PAK1: variants seen among roughly 807,000 people sequenced by gnomAD.
The protein encoded by PAK1 is serine/threonine-protein kinase PAK 1.
In PAK1, 29 loss-of-function variants were observed where a neutral mutation model predicts 67.4. That is an observed-to-expected ratio of 0.43 (90% CI 0.32 to 0.59). The LOEUF is 0.59. PAK1 is among the 20% of genes least tolerant of loss of function. PAK1 has a pLI of 0.07. For synonymous variants in PAK1, 223 were observed against 237.4 expected (o/e 0.94, Z 0.56); for missense variants, 337 against 670.7 (o/e 0.50, Z 5.50).
At chr11:77,406,253 A>G (rs1277913377) in intron 1 of PAK1, among the ~76,000 whole-genome samples, 2 of 152,170 alleles carry the variant, frequency 1.3e-5, no homozygotes, top group Non-Finnish European at 2.9e-5. Flanking sequence ...CAGCCTAAAA[A>G]CCATCTATTA....
At chr11:77,376,461 C>T (rs925432573) in intron 4 of PAK1, among the ~76,000 whole-genome samples, 2 of 152,026 alleles carry the variant, frequency 1.3e-5, no homozygotes, top group African/African-American at 4.8e-5. Context: ...TAAGTGTTGC[C>T]AGGCACATGG....
chr11:77,394,825 CAG>C (rs1951632455), intron 1 of PAK1, among the ~76,000 whole-genome samples: 1 of 151,578 alleles, frequency 6.6e-6, no homozygotes, highest in African/African-American at 2.4e-5. Flanking sequence ...AGCCTGGAGA[CAG>C]AGCAAGACTC....
At chr11:77,373,530 C>T (rs1434825464) in intron 5 of PAK1, among the ~76,000 whole-genome samples, 1 of 149,556 alleles carries the variant, frequency 6.7e-6, no homozygotes, top group East Asian at 2.0e-4. Context: ...ATTGCACTCC[C>T]GCCTGGGCAA....
intron 1 of PAK1, among the ~76,000 whole-genome samples, chr11:77,416,036 T>A (rs1173051634): frequency 6.6e-6 from 1 of 150,532 alleles, no homozygotes; most frequent in African/African-American, 2.5e-5. Context: ...AGGAGTGCAG[T>A]GGCATGATCT....
intron 8 of PAK1, among the ~76,000 whole-genome samples, chr11:77,352,095 A>G (rs1224058050): frequency 1.3e-5 from 2 of 152,242 alleles, no homozygotes; most frequent in East Asian, 3.9e-4. Flanking sequence ...AATTTCATAT[A>G]AATAGAATGA....
At chr11:77,416,748 T>C (rs540991435) in intron 1 of PAK1, among the ~76,000 whole-genome samples, 1 of 152,224 alleles carries the variant, frequency 6.6e-6, no homozygotes, top group South Asian at 2.1e-4. Context: ...AGTCAGGAGA[T>C]CAAGACCATC....
At chr11:77,456,241 A>T (rs976407700) in intron 1 of PAK1, among the ~76,000 whole-genome samples, 1 of 152,162 alleles carries the variant, frequency 6.6e-6, no homozygotes, top group Non-Finnish European at 1.5e-5. Flanking sequence ...ACACTCTCCC[A>T]CTCTTGGAGC....
the PAK1 span, among the ~76,000 whole-genome samples, chr11:77,489,514 T>G: frequency 2.6e-5 from 4 of 152,148 alleles, no homozygotes; most frequent in East Asian, 7.8e-4. Context: ...AGCTGGACTG[T>G]ACTGCTGCCA....
the PAK1 span, among the ~76,000 whole-genome samples, chr11:77,490,290 GCCC>G: frequency 2.5e-5 from 2 of 80,602 alleles, no homozygotes; most frequent in African/African-American, 1.2e-4. Context: ...GTGGGGGTCA[GCCC>G]CCCCACCCGG....
At chr11:77,343,973 C>A in intron 9 of PAK1, 42 bp from the exon 10 acceptor site, 1 of 1,315,446 alleles carries the variant, frequency 7.6e-7, no homozygotes, top group South Asian at 1.2e-5. Flanking sequence ...ATAGTCATTC[C>A]CATTTATTGA....
At chr11:77,399,817 C>T (rs1242846539) in intron 1 of PAK1, among the ~76,000 whole-genome samples, 1 of 115,570 alleles carries the variant, frequency 8.7e-6, no homozygotes, top group Non-Finnish European at 1.6e-5. Flanking sequence ...CGAGATCCCG[C>T]CACTGCACTC....
At chr11:77,441,116 G>A (rs774970785) in intron 1 of PAK1, among the ~76,000 whole-genome samples, 5 of 152,036 alleles carry the variant, frequency 3.3e-5, no homozygotes, top group African/African-American at 7.2e-5. Context: ...CTGCAGACCT[G>A]GATCCTGTTC....
chr11:77,448,670 T>C (rs542559708), intron 1 of PAK1, among the ~76,000 whole-genome samples: 1 of 152,230 alleles, frequency 6.6e-6, no homozygotes, highest in South Asian at 2.1e-4. Flanking sequence ...TAAGGGAACA[T>C]GAGAAAGAAT....
At chr11:77,427,837 T>C (rs113131361) in intron 1 of PAK1, among the ~76,000 whole-genome samples, 3,206 of 152,350 alleles carry the variant, frequency 0.021, 111 homozygotes, top group African/African-American at 0.073. Flanking sequence ...CTTATTGTTA[T>C]CTTCCTCACT....
chr11:77,367,777 A>G (rs1324310489), intron 5 of PAK1, among the ~76,000 whole-genome samples: 1 of 152,188 alleles, frequency 6.6e-6, no homozygotes, highest in Non-Finnish European at 1.5e-5. Context: ...AGGAGATCGA[A>G]ATCATCCTGG....
At chr11:77,367,422 G>A (rs1433509380) in intron 5 of PAK1, among the ~76,000 whole-genome samples, 1 of 151,938 alleles carries the variant, frequency 6.6e-6, no homozygotes, top group East Asian at 1.9e-4. Flanking sequence ...GGAAAAAACA[G>A]ACTAAACAGG....
chr11:77,479,045 AC>A (rs1239082798), upstream of PAK1, among the ~76,000 whole-genome samples: 1 of 150,622 alleles, frequency 6.6e-6, no homozygotes, highest in Non-Finnish European at 1.5e-5. Flanking sequence ...AGACCGCGCC[AC>A]TGCACTCCAG....
chr11:77,475,692 G>T (rs1406891073), upstream of PAK1: 2 of 152,222 alleles, frequency 1.3e-5, no homozygotes, highest in African/African-American at 4.8e-5. Context: ...ATATTCATTT[G>T]ACTAATATTT....
chr11:77,522,833 A>G, the PAK1 span, among the ~76,000 whole-genome samples: 1 of 152,334 alleles, frequency 6.6e-6, no homozygotes, highest in African/African-American at 2.4e-5. Flanking sequence ...GTGCCCATCA[A>G]TGGTGGATTA....
Sources: allele counts gnomAD v4.1 joint callset (sites outside exome capture counted in the v4.1 genomes callset), GRCh38; gene constraint gnomAD v4.1.1; transcripts MANE v1.5; gene names NCBI Gene and HGNC (gene_info 2026-07-23, HGNC 2026-07-21).